The following FGF14 variants were observed in gnomAD, a reference collection of about 807,000 sequenced individuals.
The protein encoded by FGF14 is fibroblast growth factor 14.
A neutral mutation model predicts 25.5 loss-of-function variants in FGF14; 5 were observed. That is an observed-to-expected ratio of 0.20 (90% CI 0.10 to 0.41). The LOEUF is 0.41. Among genes scored for constraint, FGF14 ranks in the 10% least tolerant of loss-of-function variants. FGF14 has a pLI of 1.00. For synonymous variants in FGF14, 138 were observed against 118.3 expected (o/e 1.17, Z -1.08); for missense variants, 222 against 320.1 (o/e 0.69, Z 2.34).
rs868244881 is a variant in FGF14 at position 102,400,383 on chromosome 13, T to G, written c.208+1088A>C. Among the ~76,000 whole-genome samples, 1 of 152,094 alleles carries G rather than the reference T, an allele frequency of 6.6e-6. No homozygotes were observed. The highest frequency in any genetic ancestry group is 2.1e-4 in the South Asian group (1 of 4,822). On this transcript the variant is annotated intron_variant, in intron 1 of 4. Coordinates refer to the FGF14 transcript ENST00000376131. The surrounding 1 kb of genome is among the most constrained non-coding windows in gnomAD (Gnocchi z 4.3). ...ACAAAAACAGCCGGCCCCGGGTCCC[T>G]CTCCACCCTGAACGGAGCTAGGGGA... is the stretch of plus-strand genomic sequence containing the variant.
intron 1 of FGF14, among the ~76,000 whole-genome samples, chr13:101,887,678 G>C (rs770076751): frequency 4.6e-5 from 7 of 152,108 alleles, no homozygotes; most frequent in Non-Finnish European, 1.0e-4. Flanking sequence ...TAGCACATTA[G>C]GGTGACTATA....
In FGF14 at chr13:101,879,181, C is replaced by A. The variant is rs117472723; in HGVS notation, c.194-3885G>T. On this transcript the variant is annotated intron_variant, in intron 1 of 4. Coordinates refer to ENST00000376143, the MANE Select transcript of FGF14 (RefSeq NM_004115.4). ...AAAATATAAAAACTTAGAATCTCTTCTTTGCCTGTCTTAATTCCCCTTTTC... is the reference window on the plus strand; with the variant it reads ...AAAATATAAAAACTTAGAATCTCTTATTTGCCTGTCTTAATTCCCCTTTTC... 3.3e-3 allele frequency among the ~76,000 whole-genome samples: 500 copies of A among 152,272 alleles called. 1 individual carries two copies. The highest frequency in any genetic ancestry group is 0.014 in the Middle Eastern group (4 of 294).
intron 2 of FGF14, among the ~76,000 whole-genome samples, chr13:101,872,192 T>G (rs1254681094): frequency 1.3e-5 from 2 of 151,874 alleles, no homozygotes; most frequent in East Asian, 3.9e-4. Context: ...TTTGGTTTTT[T>G]TAAAATTATT....
intron 1 of FGF14, among the ~76,000 whole-genome samples, chr13:102,184,410 C>T (rs577461931): frequency 2.0e-5 from 3 of 152,178 alleles, no homozygotes; most frequent in Non-Finnish European, 2.9e-5. Context: ...GGGATGGGCT[C>T]GTGGTCCAGT....
At chr13:102,367,395 C>A (rs1594962164) in intron 1 of FGF14, 1 of 152,298 alleles carries the variant, frequency 6.6e-6, no homozygotes, top group Admixed American at 6.5e-5. Context: ...TTCCCCAGAG[C>A]AAGTGATCCA....
intron 1 of FGF14, among the ~76,000 whole-genome samples, chr13:102,120,936 T>A (rs1481707046): frequency 6.6e-6 from 1 of 152,146 alleles, no homozygotes; most frequent in Admixed American, 6.5e-5. Context: ...ACTCCTGATC[T>A]CAGGTGATCC....
At chr13:101,779,721 C>T (rs2039372900) in intron 3 of FGF14, among the ~76,000 whole-genome samples, 1 of 152,074 alleles carries the variant, frequency 6.6e-6, no homozygotes, top group African/African-American at 2.4e-5. Flanking sequence ...TCATTATTAT[C>T]TTAATATGTT....
At chr13:101,774,859 A>G (rs908403295) in intron 3 of FGF14, among the ~76,000 whole-genome samples, 1 of 151,590 alleles carries the variant, frequency 6.6e-6, no homozygotes, top group East Asian at 1.9e-4. Flanking sequence ...TCAAAACCAG[A>G]CTGGCCAACA....
intron 1 of FGF14, among the ~76,000 whole-genome samples, chr13:102,161,641 AAG>A (rs1307262812): frequency 6.8e-4 from 10 of 14,690 alleles, no homozygotes; most frequent in Non-Finnish European, 9.1e-4. Flanking sequence ...GAAGAAGAAG[AAG>A]AAGAAGAAGA....
At chr13:102,112,601 T>A (rs1252339753) in intron 1 of FGF14, among the ~76,000 whole-genome samples, 5 of 152,208 alleles carry the variant, frequency 3.3e-5, no homozygotes, top group African/African-American at 1.2e-4. Flanking sequence ...GCATTTGGAA[T>A]AAATAAATAA....
chr13:101,896,637 TG>T (rs938730815), intron 1 of FGF14, among the ~76,000 whole-genome samples: 1 of 152,142 alleles, frequency 6.6e-6, no homozygotes, highest in African/African-American at 2.4e-5. Flanking sequence ...AAGGAAGAGT[TG>T]AAAAATATAA....
intron 3 of FGF14, among the ~76,000 whole-genome samples, chr13:101,824,209 A>G (rs2042295805): frequency 6.6e-6 from 1 of 152,070 alleles, no homozygotes. Context: ...CATACTTTCT[A>G]CTAGAAGGTC....
At position 101,719,123 on chromosome 13, in the gene FGF14, A is replaced by G. The variant is rs563712944; in HGVS notation, c.*3708T>C. The G allele has an allele frequency of 5.3e-5, 8 of 152,288 alleles. No homozygotes were observed. The highest frequency in any genetic ancestry group is 1.2e-4 in the Non-Finnish European group (8 of 68,008). 9.4% of individuals were successfully genotyped at this position (152,288 alleles called of 1,614,324 possible). On this transcript the variant is annotated 3_prime_UTR_variant, in exon 5 of 5. Transcript: ENST00000376143. ...GTCTCTTTTTGAATATGTATCAAAT[A>G]TTAATGATCCATAATATTAGGGAGA...
chr13:101,855,839 T>C (rs1235001234), intron 3 of FGF14, among the ~76,000 whole-genome samples: 1 of 151,828 alleles, frequency 6.6e-6, no homozygotes. Context: ...ATGGTTGTTG[T>C]TGTTATTGCA....
intron 3 of FGF14, among the ~76,000 whole-genome samples, chr13:101,863,719 C>G (rs2044547527): frequency 6.6e-6 from 1 of 152,086 alleles, no homozygotes; most frequent in Non-Finnish European, 1.5e-5. Flanking sequence ...TAAAACAGAG[C>G]AGTTGTATTT....
intron 1 of FGF14, among the ~76,000 whole-genome samples, chr13:102,083,822 T>C (rs1002988839): frequency 6.6e-6 from 1 of 152,232 alleles, no homozygotes; most frequent in Non-Finnish European, 1.5e-5. Context: ...ATAAACTTCT[T>C]TAAATATTTT....
chr13:102,106,626 G>A (rs1037607221), intron 1 of FGF14, among the ~76,000 whole-genome samples: 5 of 151,510 alleles, frequency 3.3e-5, no homozygotes, highest in African/African-American at 1.2e-4. Flanking sequence ...GAAAGAAAGA[G>A]AGAGAGAGAA....
At chr13:102,351,585 G>A (rs2057281760) in intron 1 of FGF14, among the ~76,000 whole-genome samples, 1 of 152,204 alleles carries the variant, frequency 6.6e-6, no homozygotes, top group Non-Finnish European at 1.5e-5. Context: ...TCTTAGCTGG[G>A]TGGTTCTAGG....
intron 1 of FGF14, among the ~76,000 whole-genome samples, chr13:102,106,307 A>AATCCCAGCGCCTCC (rs1566692070): frequency 3.6e-4 from 55 of 152,190 alleles, no homozygotes; most frequent in African/African-American, 1.3e-3. Flanking sequence ...GCAGTGCCTC[A>AATCCCAGCGCCTCC]CGCCTGTAAT....
Sources: allele counts gnomAD v4.1 joint callset (sites outside exome capture counted in the v4.1 genomes callset), GRCh38; gene constraint gnomAD v4.1.1; non-coding constraint Gnocchi (gnomAD v3.1); transcripts MANE v1.5; gene names NCBI Gene and HGNC (gene_info 2026-07-23, HGNC 2026-07-21).